Variants in SERINC5 observed in about 807,000 individuals in gnomAD.
SERINC5 encodes serine incorporator 5, also known as chromosome 5 open reading frame 12.
SERINC5 carries 41 observed loss-of-function variants against 63.1 expected under a neutral mutation model. The observed-to-expected ratio is 0.65, with a 90% CI of 0.51 to 0.84. The LOEUF (loss-of-function observed/expected upper bound fraction) is 0.84, where lower values mean the gene tolerates loss of function less well. SERINC5 is among the 40% of genes least tolerant of loss of function. The pLI is 0.00. For synonymous variants in SERINC5, 222 were observed against 215.2 expected (o/e 1.03, Z -0.28); for missense variants, 523 against 573.0 (o/e 0.91, Z 0.89).
intron 1 of SERINC5, among the ~76,000 whole-genome samples, chr5:80,209,510 CTT>C (rs1209477143): frequency 2.0e-5 from 3 of 152,210 alleles, no homozygotes; most frequent in African/African-American, 7.2e-5. Flanking sequence ...GTCAGTGTGA[CTT>C]TGTTATGGTG....
At chr5:80,215,757 C>A (rs1750632173) in intron 1 of SERINC5, among the ~76,000 whole-genome samples, 1 of 152,150 alleles carries the variant, frequency 6.6e-6, no homozygotes, top group South Asian at 2.1e-4. Context: ...ATGAAACAAA[C>A]AGTCAAGGGT....
At chr5:80,135,569 T>C (rs549948950), downstream of SERINC5, among the ~76,000 whole-genome samples, 445 of 152,212 alleles carry the variant, frequency 2.9e-3, 2 homozygotes, top group Non-Finnish European at 5.1e-3. Context: ...GTATGAAATC[T>C]GAATAAGGTT....
rs58348263 is a variant in SERINC5 at position 80,149,554 on chromosome 5, G to A, written c.1053+1328C>T. Among the ~76,000 whole-genome samples the A allele has an allele frequency of 3.5e-3, 540 of 152,288 alleles. 3 individuals are homozygous for A. Among genetic ancestry groups the A allele is most frequent in the African/African-American group, 0.012 (514 of 41,558 alleles). On this transcript the variant is annotated intron_variant, in intron 9 of 11. Transcript: ENST00000507668. Reference sequence around the variant, plus strand: ...GGCAGTGGCCAGAAACCAGCTGCCCGCAGTCAGCAGCAAGGACCAGGGTTC... The same window carrying A: ...GGCAGTGGCCAGAAACCAGCTGCCCACAGTCAGCAGCAAGGACCAGGGTTC...
In SERINC5 at chr5:80,256,031, G is replaced by C; in HGVS notation, c.-109C>G. On this transcript the variant is annotated 5_prime_UTR_variant, in exon 1 of 12. Coordinates refer to ENST00000507668, the MANE Select transcript of SERINC5 (RefSeq NM_001174072.3). ...GCTCAGCCGCAGCTCACACTTGAACGAAGATCAGCCTCGGCGAAGCGCCTA... is the reference window on the plus strand; with the variant it reads ...GCTCAGCCGCAGCTCACACTTGAACCAAGATCAGCCTCGGCGAAGCGCCTA... The C allele has an allele frequency of 8.5e-7, 1 of 1,181,352 alleles. No individual in the cohort carries two copies. Among genetic ancestry groups the C allele is most frequent in the Non-Finnish European group, 1.1e-6 (1 of 888,918 alleles). The allele number at this position is 1,181,352 out of a possible 1,614,324, so 73.2% of individuals were successfully genotyped here. A position where few individuals can be genotyped will look rare whatever the true frequency, so the allele number is the denominator to read the frequency against.
At chr5:80,232,796 A>T (rs1437674418) in intron 1 of SERINC5, among the ~76,000 whole-genome samples, 1 of 152,080 alleles carries the variant, frequency 6.6e-6, no homozygotes, top group Non-Finnish European at 1.5e-5. Flanking sequence ...AAAAAAAAAT[A>T]AAAAGGAATG....
At chr5:80,181,416 T>TG (rs1580124918) in intron 2 of SERINC5, among the ~76,000 whole-genome samples, 8 of 145,446 alleles carry the variant, frequency 5.5e-5, no homozygotes, top group East Asian at 4.6e-4. Flanking sequence ...TCAGCTAATT[T>TG]TGTGTGTGTG....
chr5:80,203,091 T>C (rs1257619426), intron 1 of SERINC5, 38 bp from the exon 2 acceptor site: 1 of 1,545,228 alleles, frequency 6.5e-7, no homozygotes, highest in Non-Finnish European at 8.8e-7. Flanking sequence ...TAGAGCATGA[T>C]ACTGTGATAG....
intron 1 of SERINC5, among the ~76,000 whole-genome samples, chr5:80,220,868 A>G (rs1258868394): frequency 2.0e-5 from 3 of 152,080 alleles, no homozygotes; most frequent in African/African-American, 4.8e-5. Flanking sequence ...TGCTGGAGTG[A>G]CAGGAACAGA....
chr5:80,128,955 AAC>A (rs1397798213), intron 11 of SERINC5: 1 of 152,204 alleles, frequency 6.6e-6, no homozygotes, highest in Non-Finnish European at 1.5e-5. Context: ...TGATGCTTAA[AAC>A]AGTCACTAAC....
intron 11 of SERINC5, among the ~76,000 whole-genome samples, chr5:80,127,563 G>T (rs1744791753): frequency 6.6e-6 from 1 of 152,110 alleles, no homozygotes; most frequent in African/African-American, 2.4e-5. Context: ...AATGTCATCT[G>T]AGTTTTCTTT....
At chr5:80,150,018 G>A (rs1055388494) in intron 9 of SERINC5, among the ~76,000 whole-genome samples, 3 of 152,222 alleles carry the variant, frequency 2.0e-5, no homozygotes, top group African/African-American at 7.2e-5. Flanking sequence ...GGCAACCAAT[G>A]TATGTATTGT....
chr5:80,219,158 G>T (rs998363977), intron 1 of SERINC5, among the ~76,000 whole-genome samples: 1 of 152,194 alleles, frequency 6.6e-6, no homozygotes, highest in African/African-American at 2.4e-5. Flanking sequence ...AAGATCAGGG[G>T]AAGGGGAAAG....
At chr5:80,116,207 C>A in intron 11 of SERINC5, 1 of 436,882 alleles carries the variant, frequency 2.3e-6, no homozygotes, top group Admixed American at 2.6e-5. Context: ...TGTATTCAAT[C>A]ATCTTTTCAA....
chr5:80,213,357 C>T lies in SERINC5; in HGVS notation c.28-10304G>A, dbSNP rs531210632. ...TGCAAGGCACAACAATTATTATTAC[C>T]TGTTACAATCATCCCTATTTTACAG... On this transcript the variant is annotated intron_variant, in intron 1 of 11. Transcript: ENST00000507668. 2.1e-3 allele frequency among the ~76,000 whole-genome samples: 315 copies of T among 152,236 alleles called. 4 individuals carry two copies. Among genetic ancestry groups the T allele is most frequent in the Non-Finnish European group, 3.1e-3 (212 of 68,024 alleles).
intron 1 of SERINC5, among the ~76,000 whole-genome samples, chr5:80,222,561 A>T (rs114377823): frequency 0.31 from 44,970 of 146,076 alleles, 7,071 homozygotes; most frequent in Admixed American, 0.4. Flanking sequence ...TGAGTGTGTG[A>T]GTGTGTGAGT....
chr5:80,214,834 T>C (rs1313499257), intron 1 of SERINC5, among the ~76,000 whole-genome samples: 3 of 152,098 alleles, frequency 2.0e-5, no homozygotes, highest in Non-Finnish European at 4.4e-5. Flanking sequence ...GAGGCAGAGG[T>C]TGCAGTGAGC....
chr5:80,194,963 G>A (rs145919705), intron 2 of SERINC5, among the ~76,000 whole-genome samples: 55 of 152,226 alleles, frequency 3.6e-4, no homozygotes, highest in African/African-American at 1.3e-3. Flanking sequence ...TTGTTAAGAT[G>A]ACCACTTAGG....
At chr5:80,170,660 T>A (rs1217127887) in intron 5 of SERINC5, among the ~76,000 whole-genome samples, 1 of 152,226 alleles carries the variant, frequency 6.6e-6, no homozygotes, top group Non-Finnish European at 1.5e-5. Flanking sequence ...AAAAAGTGGC[T>A]CTTCACTGGG....
chr5:80,200,172 G>C (rs1410071383), intron 2 of SERINC5, among the ~76,000 whole-genome samples: 2 of 151,844 alleles, frequency 1.3e-5, no homozygotes, highest in Non-Finnish European at 2.9e-5. Context: ...CCTTGTTTTA[G>C]GCCTTAGAAG....
Sources: allele counts gnomAD v4.1 joint callset (sites outside exome capture counted in the v4.1 genomes callset), GRCh38; gene constraint gnomAD v4.1.1; transcripts MANE v1.5; gene names NCBI Gene and HGNC (gene_info 2026-07-23, HGNC 2026-07-21).